Variants in ASPSCR1 observed in about 807,000 individuals in gnomAD.
ASPSCR1 encodes the protein tether containing UBX domain for GLUT4.
In ASPSCR1, 55 loss-of-function variants were observed where a neutral mutation model predicts 68.9. That is an observed-to-expected ratio of 0.80 (90% CI 0.64 to 1.00). ASPSCR1 has a LOEUF of 1.00. Ranked by LOEUF, ASPSCR1 falls within the 50% of genes least tolerant of loss-of-function variation. ASPSCR1 has a pLI of 0.00. For missense variants in ASPSCR1, 765 were observed against 762.2 expected, an observed-to-expected ratio of 1.00 and a Z score of -0.04; for synonymous variants, 352 against 332.6, an observed-to-expected ratio of 1.06 and a Z score of -0.63.
chr17:82,000,980 G>A (rs2144059306), intron 7 of ASPSCR1, among the ~76,000 whole-genome samples: 1 of 152,236 alleles, frequency 6.6e-6, no homozygotes, highest in South Asian at 2.1e-4. Context: ...GCACGGGCTG[G>A]CGGCTGCTGC....
rs1371541415 is a variant in ASPSCR1, at chr17:82,009,018, C to G, written c.934-19C>G. On this transcript the variant is annotated intron_variant, in intron 7 of 15. Transcript: ENST00000306739. ...CCCAGCCCGTGACACCCGCCGTCAG[C>G]CGCGCCCTCTGCCTCCAGCCCGTGG... 17 of 1,501,452 alleles carry G rather than the reference C, an allele frequency of 1.1e-5. No individual in the cohort carries two copies. The South Asian group carries it at 2.2e-4, about 19-fold the overall frequency. 93.0% of individuals were successfully genotyped at this position (1,501,452 alleles called of 1,614,324 possible). A position where few individuals can be genotyped will look rare whatever the true frequency, so the allele number is the denominator to read the frequency against.
rs538646665 is a variant in ASPSCR1 at position 81,987,318 on chromosome 17, G to A, written c.374+1711G>A. Among the ~76,000 whole-genome samples, 3 of 152,360 alleles carry A rather than the reference G, an allele frequency of 2.0e-5. No homozygotes were observed. The East Asian group carries it at 5.8e-4, about 29-fold the overall frequency. ...GTGTGGGCACTGGGTGAGAAGCAGGGATCCCGGCGCCCTGGCTCTGTGCTG... is the reference window on the plus strand; with the variant it reads ...GTGTGGGCACTGGGTGAGAAGCAGGAATCCCGGCGCCCTGGCTCTGTGCTG... On this transcript the variant is annotated intron_variant, in intron 4 of 15. Coordinates refer to ENST00000306739, the MANE Select transcript of ASPSCR1 (RefSeq NM_024083.4). This position sits in a 1 kb window ranked among gnomAD's most constrained non-coding sequence, Gnocchi z 5.6.
In ASPSCR1 at chr17:81,986,155, G is replaced by A. The variant is rs906000160; in HGVS notation, c.374+548G>A. On this transcript the variant is annotated intron_variant, in intron 4 of 15. Transcript: ENST00000306739. The surrounding 1 kb of genome is among the most constrained non-coding windows in gnomAD (Gnocchi z 5.2). The stretch of plus-strand genomic sequence containing the variant: ...TGGCTGGGCACAGTGGCTGGGCACA[G>A]TGGCTGGGCAAAGTGGCTTGCACTT... Among the ~76,000 whole-genome samples the A allele has an allele frequency of 1.2e-4, 18 of 152,160 alleles. No individual in the cohort carries two copies. The highest frequency in any genetic ancestry group is 9.2e-4 in the Admixed American group (14 of 15,280).
chr17:81,982,626 T>C (rs968606231), intron 2 of ASPSCR1: 1 of 152,272 alleles, frequency 6.6e-6, no homozygotes, highest in Admixed American at 6.5e-5. Context: ...GCCCCTGGGC[T>C]GTCTGAACTC....
At chr17:82,015,391 G>A (rs1320736953) in intron 12 of ASPSCR1, 3 of 1,573,536 alleles carry the variant, frequency 1.9e-6, no homozygotes, top group Admixed American at 1.7e-5. Flanking sequence ...CTGCACAGAG[G>A]CGCAGACAGG....
intron 4 of ASPSCR1, among the ~76,000 whole-genome samples, chr17:81,993,012 G>A (rs1360463682): frequency 1.3e-5 from 2 of 152,196 alleles, no homozygotes. Flanking sequence ...CGGGGCCTGG[G>A]TGGGAAAGGG....
In ASPSCR1 at chr17:82,011,692, G is replaced by A. The variant is rs889280525; in HGVS notation, c.1300+87G>A. The A allele has an allele frequency of 2.3e-5, 33 of 1,446,642 alleles. No homozygotes were observed. In the African/African-American group the frequency reaches 2.5e-4, roughly 11 times the overall value. The allele number at this position is 1,446,642 out of a possible 1,614,324, so 89.6% of individuals were successfully genotyped here. ...ACACCGCCCGTCCCAGCTGGGGCTC[G>A]TGGCAGCTTCTCCACAGGAGCAGCA... On this transcript the variant is annotated intron_variant, in intron 11 of 15. Transcript: ENST00000306739.
intron 7 of ASPSCR1, among the ~76,000 whole-genome samples, chr17:82,002,083 C>A (rs2042555053): frequency 7.0e-6 from 1 of 142,430 alleles, no homozygotes; most frequent in Non-Finnish European, 1.5e-5. Flanking sequence ...TTACGGCTCA[C>A]AGCAGTCATG....
chr17:82,010,995 C>T (rs1177365350), intron 10 of ASPSCR1, 127 bp downstream of exon 10: 8 of 1,148,994 alleles, frequency 7.0e-6, no homozygotes, highest in Non-Finnish European at 9.9e-6. Flanking sequence ...TGGGTGGGTG[C>T]GGGTGCTGAT....
chr17:81,982,877 G>A (rs2041840801), intron 2 of ASPSCR1, among the ~76,000 whole-genome samples: 1 of 151,614 alleles, frequency 6.6e-6, no homozygotes, highest in African/African-American at 2.4e-5. Flanking sequence ...GCAGTGGCAT[G>A]ATCTTGCCTC....
At chr17:81,988,450 G>A (rs1451334318) in intron 4 of ASPSCR1, among the ~76,000 whole-genome samples, 6 of 145,764 alleles carry the variant, frequency 4.1e-5, no homozygotes, top group Admixed American at 1.4e-4. Context: ...GCAGGACTCC[G>A]TCTCAAAAAA....
In ASPSCR1 at chr17:81,987,508, C is replaced by T. The variant is rs1008262141; in HGVS notation, c.374+1901C>T. Among the ~76,000 whole-genome samples, 4 of 152,156 alleles carry T rather than the reference C, an allele frequency of 2.6e-5. No homozygotes were observed. Among genetic ancestry groups the T allele is most frequent in the Admixed American group, 6.5e-5 (1 of 15,278 alleles). On this transcript the variant is annotated intron_variant, in intron 4 of 15. Transcript: ENST00000306739. This position sits in a 1 kb window ranked among gnomAD's most constrained non-coding sequence, Gnocchi z 5.6. ...ACAGGCACAGGTGCTTGGTGAGGGC[C>T]GTCCTCCCTGGCTGTGCTGTCAGTC...
chr17:82,008,959 C>G, intron 7 of ASPSCR1, 78 bp from the exon 8 acceptor site: 1 of 1,420,938 alleles, frequency 7.0e-7, no homozygotes, highest in Non-Finnish European at 9.2e-7. Context: ...GTGACCACCT[C>G]GGCTGGGGCA....
rs754862623 is a variant in ASPSCR1, at chr17:82,012,237, C to G, written c.1307C>G (p.Thr436Ser). The change falls in exon 12 of 16, where the codon ACC becomes AGC. Residue 436 changes from threonine (T) to serine (S), a missense_variant. Transcript: ENST00000306739. ...AGGTGCCTTCTCTCCTCAGTCATCA[C>G]CCCTCCAAAAACAGTCCTGGACGAC... ...NPELSFYLFITPPKTVLDDHT... is the reference protein window; with the variant it reads ...NPELSFYLFISPPKTVLDDHT... 1 of 1,613,494 alleles carries G rather than the reference C, an allele frequency of 6.2e-7. No homozygotes were observed. Among genetic ancestry groups the G allele is most frequent in the Non-Finnish European group, 8.5e-7 (1 of 1,179,912 alleles).
chr17:81,983,116 A>G lies in ASPSCR1; in HGVS notation c.159-438A>G, dbSNP rs540813923. On this transcript the variant is annotated intron_variant, in intron 2 of 15. Coordinates refer to ENST00000306739, the MANE Select transcript of ASPSCR1 (RefSeq NM_024083.4). The surrounding 1 kb of genome is among the most constrained non-coding windows in gnomAD (Gnocchi z 4.4). ...TGCCTCGGCCTCCGAAAGTGCTGGGATTACAGGCGTGAGCCACTGCGCCCG... is the reference window on the plus strand; with the variant it reads ...TGCCTCGGCCTCCGAAAGTGCTGGGGTTACAGGCGTGAGCCACTGCGCCCG... 7.0e-4 allele frequency among the ~76,000 whole-genome samples: 107 copies of G among 152,320 alleles called. No homozygotes were observed. Among genetic ancestry groups the G allele is most frequent in the African/African-American group, 2.5e-3 (104 of 41,566 alleles).
chr17:82,011,625 C>G lies in ASPSCR1; in HGVS notation c.1300+20C>G, dbSNP rs1179765626. On this transcript the variant is annotated intron_variant, in intron 11 of 15. Transcript: ENST00000306739. ...ACCTGTGTACGTTTTTTCTCCTGAGCCCACTCCTGCCTCCAGTGCTCGGGG... is the reference window on the plus strand; with the variant it reads ...ACCTGTGTACGTTTTTTCTCCTGAGGCCACTCCTGCCTCCAGTGCTCGGGG... The G allele has an allele frequency of 1.2e-6, 2 of 1,603,378 alleles. No homozygotes were observed. Among genetic ancestry groups the G allele is most frequent in the Non-Finnish European group, 1.7e-6 (2 of 1,175,688 alleles).
chr17:82,007,400 G>A (rs551400987), intron 7 of ASPSCR1: 3 of 152,406 alleles, frequency 2.0e-5, no homozygotes, highest in East Asian at 1.9e-4. Context: ...CCCTAGCAGC[G>A]TGATGCTGAT....
Position 81,995,986 on chromosome 17 carries a change from C to T in ASPSCR1, c.433-6C>T, listed in dbSNP as rs771976450. On this transcript the variant is annotated splice_region_variant and splice_polypyrimidine_tract_variant and intron_variant, in intron 5 of 15. Transcript: ENST00000306739. ...GGCGCACCTGTCCTGGCTGCTCCTC[C>T]TGCAGGTGACGGGTGAAGCTGCCCT... 22 of 1,608,976 alleles carry T rather than the reference C, an allele frequency of 1.4e-5. No homozygotes were observed. Among genetic ancestry groups the T allele is most frequent in the Middle Eastern group, 1.7e-4 (1 of 5,854 alleles).
At chr17:81,991,099 C>G (rs1015815058) in intron 4 of ASPSCR1, among the ~76,000 whole-genome samples, 5 of 152,168 alleles carry the variant, frequency 3.3e-5, no homozygotes, top group African/African-American at 1.2e-4. Flanking sequence ...TGGGAACTCA[C>G]ACAGCAGCTG....
Sources: gnomAD v4.1 joint callset for allele counts (sites outside exome capture counted in the v4.1 genomes callset) on GRCh38, gnomAD v4.1.1 for gene constraint, Gnocchi (gnomAD v3.1) non-coding constraint, MANE v1.5 for transcripts, NCBI Gene and HGNC (gene_info 2026-07-23, HGNC 2026-07-21) for gene names.